PBX3: variants seen among roughly 807,000 people sequenced by gnomAD.
PBX3 encodes the protein pre-B-cell leukemia transcription factor 3.
A neutral mutation model predicts 48.5 loss-of-function variants in PBX3; 14 were observed. That is an observed-to-expected ratio of 0.29 (90% CI 0.19 to 0.45). The LOEUF (loss-of-function observed/expected upper bound fraction) is 0.45, where lower values mean the gene tolerates loss of function less well. PBX3 is among the 20% of genes least tolerant of loss of function. The pLI, the probability that PBX3 is intolerant of heterozygous loss-of-function variation, is 1.00. For missense variants in PBX3, 386 were observed against 546.7 expected (o/e 0.71, Z 2.93); for synonymous variants, 210 against 200.3 (o/e 1.05, Z -0.41).
At chr9:125,751,947 C>A (rs1429767679) in intron 2 of PBX3, among the ~76,000 whole-genome samples, 1 of 151,280 alleles carries the variant, frequency 6.6e-6, no homozygotes, top group African/African-American at 2.4e-5. Flanking sequence ...CTTAATTGTG[C>A]GAGTTTAAGT....
intron 2 of PBX3, among the ~76,000 whole-genome samples, chr9:125,819,429 G>A (rs1438176580): frequency 6.6e-6 from 1 of 151,922 alleles, no homozygotes; most frequent in Non-Finnish European, 1.5e-5. Flanking sequence ...GGAAGGTTGA[G>A]GCAGGAGATC....
chr9:125,822,220 T>C (rs1417615922), intron 2 of PBX3, among the ~76,000 whole-genome samples: 1 of 152,200 alleles, frequency 6.6e-6, no homozygotes. Flanking sequence ...AACTTATTTT[T>C]ATGACTCAAA....
chr9:125,749,832 TGA>T (rs1459041920), intron 2 of PBX3, among the ~76,000 whole-genome samples: 1 of 152,200 alleles, frequency 6.6e-6, no homozygotes, highest in African/African-American at 2.4e-5. Context: ...GAAAAGATGA[TGA>T]GTTATTGCTG....
intron 2 of PBX3, among the ~76,000 whole-genome samples, chr9:125,780,212 C>T (rs1212378307): frequency 6.8e-5 from 9 of 131,916 alleles, no homozygotes; most frequent in East Asian, 5.6e-4. Flanking sequence ...ACCTCCCTCC[C>T]GGACGGGTCG....
At chr9:125,956,945 C>T (rs1310969986) in intron 5 of PBX3, among the ~76,000 whole-genome samples, 1 of 152,176 alleles carries the variant, frequency 6.6e-6, no homozygotes, top group South Asian at 2.1e-4. Flanking sequence ...CCATGACCTG[C>T]AGCCTTTGAG....
At chr9:125,859,950 G>T (rs868799368) in intron 2 of PBX3, among the ~76,000 whole-genome samples, 3 of 152,156 alleles carry the variant, frequency 2.0e-5, no homozygotes, top group African/African-American at 7.2e-5. Context: ...GTCCTTGAGG[G>T]AACTGAAAAA....
chr9:125,751,551 G>C (rs1360504984), intron 2 of PBX3, among the ~76,000 whole-genome samples: 2 of 152,122 alleles, frequency 1.3e-5, no homozygotes, highest in Non-Finnish European at 2.9e-5. Flanking sequence ...ATAAGATGCT[G>C]CTTTTTCTTG....
chr9:125,747,724 G>A (rs1192179594), intron 1 of PBX3, 71 bp downstream of exon 1: 1 of 1,259,994 alleles, frequency 7.9e-7, no homozygotes, highest in Admixed American at 3.0e-5. Context: ...TCGAGGCCCG[G>A]GGTGGCGCCC....
chr9:125,776,830 C>G (rs897182436), intron 2 of PBX3, among the ~76,000 whole-genome samples: 8 of 152,134 alleles, frequency 5.3e-5, no homozygotes, highest in Non-Finnish European at 8.8e-5. Context: ...AGGTGTGAGC[C>G]ACTGTGCCTG....
chr9:125,897,472 T>G (rs981066237), intron 2 of PBX3, among the ~76,000 whole-genome samples: 2 of 151,814 alleles, frequency 1.3e-5, no homozygotes, highest in Admixed American at 1.3e-4. Context: ...CTTTTCTGGA[T>G]TCTCAAAATT....
At chr9:125,959,244 GA>G (rs1311638009) in intron 5 of PBX3, among the ~76,000 whole-genome samples, 1 of 152,328 alleles carries the variant, frequency 6.6e-6, no homozygotes, top group Non-Finnish European at 1.5e-5. Flanking sequence ...CTTCTAGGGG[GA>G]AAAAATGATG....
chr9:125,925,482 T>G (rs1440392348), intron 3 of PBX3, among the ~76,000 whole-genome samples: 1 of 152,146 alleles, frequency 6.6e-6, no homozygotes, highest in African/African-American at 2.4e-5. Context: ...CTTTTCTTTC[T>G]CTCACTCTGT....
intron 2 of PBX3, among the ~76,000 whole-genome samples, chr9:125,775,124 C>T (rs1034097523): frequency 2.0e-5 from 3 of 152,194 alleles, no homozygotes; most frequent in African/African-American, 7.2e-5. Flanking sequence ...ACCTCAGCCT[C>T]CCAAAGTGGT....
At chr9:125,829,542 T>A (rs1298853082) in intron 2 of PBX3, among the ~76,000 whole-genome samples, 1 of 152,186 alleles carries the variant, frequency 6.6e-6, no homozygotes, top group Non-Finnish European at 1.5e-5. Flanking sequence ...TACGTAAGTT[T>A]TGGTGCAATT....
intron 2 of PBX3, among the ~76,000 whole-genome samples, chr9:125,870,413 G>T (rs1420343740): frequency 2.6e-5 from 4 of 152,074 alleles, no homozygotes; most frequent in Non-Finnish European, 5.9e-5. Flanking sequence ...ATTTGTGGAA[G>T]GAAACACCCC....
At chr9:125,766,167 G>T (rs1807622430) in intron 2 of PBX3, among the ~76,000 whole-genome samples, 1 of 152,046 alleles carries the variant, frequency 6.6e-6, no homozygotes, top group Admixed American at 6.5e-5. Context: ...ATAAATGCAT[G>T]CCTTCTCCAT....
At chr9:125,928,303 CA>C (rs1841626861) in intron 3 of PBX3, among the ~76,000 whole-genome samples, 1 of 151,974 alleles carries the variant, frequency 6.6e-6, no homozygotes, top group African/African-American at 2.4e-5. Context: ...TGCTTGAGCC[CA>C]GGGGCTTGAG....
chr9:125,917,311 T>C (rs1564172394), intron 3 of PBX3, among the ~76,000 whole-genome samples: 1 of 152,094 alleles, frequency 6.6e-6, no homozygotes, highest in Non-Finnish European at 1.5e-5. Context: ...ATGCATAGTC[T>C]CTCCCATTAT....
chr9:125,885,697 T>C (rs1246818991), intron 2 of PBX3, among the ~76,000 whole-genome samples: 1 of 152,090 alleles, frequency 6.6e-6, no homozygotes, highest in Non-Finnish European at 1.5e-5. Flanking sequence ...TAATTTTATT[T>C]AGGATAATGA....
Sources: gnomAD v4.1 joint callset for allele counts (sites outside exome capture counted in the v4.1 genomes callset) on GRCh38, gnomAD v4.1.1 for gene constraint, MANE v1.5 for transcripts, NCBI Gene and HGNC (gene_info 2026-07-23, HGNC 2026-07-21) for gene names.